The following EXTL2 variants were observed in gnomAD, a reference collection of about 807,000 sequenced individuals.
EXTL2 encodes the protein exostosin like glycosyltransferase 2.
A neutral mutation model predicts 30.7 loss-of-function variants in EXTL2; 23 were observed. That is an observed-to-expected ratio of 0.75 (90% CI 0.54 to 1.06). The LOEUF (loss-of-function observed/expected upper bound fraction) is 1.06, where lower values mean the gene tolerates loss of function less well. EXTL2 is among the 50% of genes least tolerant of loss of function. The pLI is 0.00. For missense variants in EXTL2, 352 were observed against 396.3 expected (o/e 0.89, Z 0.95); for synonymous variants, 123 against 133.8 (o/e 0.92, Z 0.56).
In EXTL2 at chr1:100,874,084, C is replaced by T. The variant is rs1422383449; in HGVS notation, c.851G>A (p.Trp284Ter). The change falls in exon 5 of 5, where the codon TGG (tryptophan) becomes TAG (stop). Residue 284 changes from tryptophan (W) to a stop codon, truncating the protein, a stop_gained. Transcript: ENST00000370114. LOFTEE classifies it high-confidence loss of function. ...KETNSGYSGM[W>*]HRAEHALQRS... ...CTGCAGAGCGTGCTCAGCTCGATGC[C>T]ACATTCCAGAATAGCCACTGTTGGT... is the stretch of plus-strand genomic sequence containing the variant. 4.3e-6 allele frequency: 7 copies of T among 1,613,090 alleles called. No individual in the cohort carries two copies. The highest frequency in any genetic ancestry group is 5.9e-6 in the Non-Finnish European group (7 of 1,179,526).
chr1:100,886,062 G>A (rs886322133), intron 2 of EXTL2: 4 of 152,222 alleles, frequency 2.6e-5, no homozygotes, highest in African/African-American at 9.7e-5. Context: ...ACAGTGATAT[G>A]AATGGATCAT....
In EXTL2 at chr1:100,874,103, T is replaced by C. The variant is rs746894725; in HGVS notation, c.832A>G (p.Ser278Gly). The C allele has an allele frequency of 6.2e-7, 1 of 1,613,082 alleles. No individual in the cohort carries two copies. The highest frequency in any genetic ancestry group is 1.1e-5 in the South Asian group (1 of 91,052). The change falls in exon 5 of 5, where the codon AGT becomes GGT. Residue 278 changes from serine to glycine, a missense_variant. Coordinates refer to ENST00000370114, the MANE Select transcript of EXTL2 (RefSeq NM_001033025.3). Reference sequence around the variant, plus strand: ...CGATGCCACATTCCAGAATAGCCACTGTTGGTTTCTTTTTCCAAATTGTCC... The same window carrying C: ...CGATGCCACATTCCAGAATAGCCACCGTTGGTTTCTTTTTCCAAATTGTCC... ...NMDNLEKETN[S>G]GYSGMWHRAE... is the part of the protein sequence containing the mutation.
At position 100,877,574 on chromosome 1, in the gene EXTL2, T is replaced by C; in HGVS notation, c.335A>G (p.Asn112Ser). ...AGGGATAGGGTGGGGCCCTAGAGAA[T>C]TCCATAATTCATCTGGTGCCTTCTC... ...IGEKAPDELW[N>S]SLGPHPIPVI... Residue 112 changes from asparagine (N) to serine (S), a missense_variant, in exon 3 of 5, where the codon AAT becomes AGT. Coordinates refer to ENST00000370114, the MANE Select transcript of EXTL2 (RefSeq NM_001033025.3). This position sits in a 1 kb window ranked among gnomAD's most constrained non-coding sequence, Gnocchi z 4.1. The C allele has an allele frequency of 6.2e-7, 1 of 1,613,444 alleles. No homozygotes were observed. The highest frequency in any genetic ancestry group is 8.5e-7 in the Non-Finnish European group (1 of 1,179,600).
chr1:100,894,518 C>A (rs1650717590), intron 1 of EXTL2, 115 bp downstream of exon 1: 1 of 152,032 alleles, frequency 6.6e-6, no homozygotes, highest in Admixed American at 6.6e-5. Flanking sequence ...AAAATAAAAC[C>A]ACCGAATACT....
intron 2 of EXTL2, among the ~76,000 whole-genome samples, chr1:100,887,987 C>T (rs1344379434): frequency 4.6e-5 from 7 of 152,208 alleles, no homozygotes; most frequent in South Asian, 2.1e-4. Context: ...CGTGAGCCAC[C>T]GCGCCCTGCC....
intron 1 of EXTL2, among the ~76,000 whole-genome samples, chr1:100,889,364 G>T (rs1650231527): frequency 1.3e-5 from 2 of 152,160 alleles, no homozygotes; most frequent in South Asian, 4.1e-4. Context: ...ACAACAAGTG[G>T]GGATTATGGG....
chr1:100,875,542 A>G (rs1649046549), intron 4 of EXTL2, among the ~76,000 whole-genome samples: 1 of 151,944 alleles, frequency 6.6e-6, no homozygotes, highest in Non-Finnish European at 1.5e-5. Flanking sequence ...CTAGAGAGGG[A>G]AAAGGGAAAA....
chr1:100,891,352 C>G (rs1446850007), intron 1 of EXTL2, among the ~76,000 whole-genome samples: 1 of 152,196 alleles, frequency 6.6e-6, no homozygotes, highest in South Asian at 2.1e-4. Context: ...CTACCTAGAC[C>G]GAACGAATTT....
rs776945302 is a variant in EXTL2, at chr1:100,874,177, G to A, written c.758C>T (p.Ala253Val). 2 of 1,612,906 alleles carry A rather than the reference G, an allele frequency of 1.2e-6. No individual in the cohort carries two copies. The highest frequency in any genetic ancestry group is 1.7e-5 in the Admixed American group (1 of 59,836). ...CDDIAMNFII[A>V]KHIGKTSGIF... is the part of the protein sequence containing the mutation. The stretch of plus-strand genomic sequence containing the variant: ...CCCTGAAGTCTTGCCAATATGCTTG[G>A]CAATGATAAAATTCATGGCAATATC... The change falls in exon 5 of 5, where the codon GCC (alanine) becomes GTC (valine). Residue 253 changes from alanine to valine, a missense_variant. Ala to Val is a moderately conservative substitution (Grantham distance 64, BLOSUM62 0). Coordinates refer to ENST00000370114, the MANE Select transcript of EXTL2 (RefSeq NM_001033025.3).
rs1557949755 is a variant in EXTL2 at position 100,874,411 on chromosome 1, A to G, written c.524T>C (p.Val175Ala). ...GACGTGCTTTCTAGGAACAAATCCT[A>G]CAATTTGATCAGGAAATTGCTGAAA... ...SVWQQFPDQI[V>A]GFVPRKHVST... The change falls in exon 5 of 5, where the codon GTA becomes GCA. Residue 175 changes from valine (V) to alanine (A), a missense_variant. Transcript: ENST00000370114. 1 of 1,588,834 alleles carries G rather than the reference A, an allele frequency of 6.3e-7. No individual in the cohort carries two copies. Among genetic ancestry groups the G allele is most frequent in the East Asian group, 2.2e-5 (1 of 44,514 alleles).
chr1:100,888,818 C>A lies in EXTL2; in HGVS notation c.-61G>T. Reference sequence around the variant, plus strand: ...AGCTTCAGTAATTGACAGAAGCAGGCTCACTTGTCACTATTAAGATAAATC... The same window carrying A: ...AGCTTCAGTAATTGACAGAAGCAGGATCACTTGTCACTATTAAGATAAATC... On this transcript the variant is annotated 5_prime_UTR_variant, in exon 2 of 5. Coordinates refer to ENST00000370114, the MANE Select transcript of EXTL2 (RefSeq NM_001033025.3). 1.5e-6 allele frequency: 2 copies of A among 1,357,136 alleles called. No homozygotes were observed. Among genetic ancestry groups the A allele is most frequent in the South Asian group, 1.4e-5 (1 of 70,816 alleles). The allele number at this position is 1,357,136 out of a possible 1,614,324, so 84.1% of individuals were successfully genotyped here.
intron 2 of EXTL2, among the ~76,000 whole-genome samples, chr1:100,879,789 A>G (rs1649421952): frequency 6.6e-6 from 1 of 152,158 alleles, no homozygotes; most frequent in Non-Finnish European, 1.5e-5. Context: ...CTTCTTGGAA[A>G]AGTGAACTGT....
intron 1 of EXTL2, among the ~76,000 whole-genome samples, chr1:100,892,774 G>A (rs1316697959): frequency 6.6e-6 from 1 of 152,184 alleles, no homozygotes; most frequent in Non-Finnish European, 1.5e-5. Flanking sequence ...ATTTGCACTT[G>A]TATCCAGTTT....
Position 100,876,728 on chromosome 1 carries a change from T to G in EXTL2, c.504+66A>C, listed in dbSNP as rs561824371. On this transcript the variant is annotated intron_variant, in intron 4 of 4. Transcript: ENST00000370114. ...TTAGGTAACTTCTATATTAACCATGTTGCCGTGGTTAAGTACTAGTCAAGA... is the reference window on the plus strand; with the variant it reads ...TTAGGTAACTTCTATATTAACCATGGTGCCGTGGTTAAGTACTAGTCAAGA... 61 of 1,032,850 alleles carry G rather than the reference T, an allele frequency of 5.9e-5. 1 individual carries two copies. In the South Asian group the frequency reaches 7.5e-4, roughly 13 times the overall value. 64.0% of individuals were successfully genotyped at this position (1,032,850 alleles called of 1,614,324 possible). A position where few individuals can be genotyped will look rare whatever the true frequency, so the allele number is the denominator to read the frequency against.
intron 2 of EXTL2, among the ~76,000 whole-genome samples, chr1:100,880,245 G>T (rs1649451046): frequency 6.6e-6 from 1 of 152,140 alleles, no homozygotes; most frequent in Non-Finnish European, 1.5e-5. Flanking sequence ...GCATGTGCAA[G>T]CAAAGGAAGA....
intron 1 of EXTL2, among the ~76,000 whole-genome samples, chr1:100,893,481 TA>T (rs1327601999): frequency 6.6e-6 from 1 of 152,146 alleles, no homozygotes; most frequent in Non-Finnish European, 1.5e-5. Context: ...TCTTCATAAC[TA>T]CTCTTTTCCA....
At chr1:100,882,396 C>T (rs1390307752) in intron 2 of EXTL2, among the ~76,000 whole-genome samples, 1 of 152,226 alleles carries the variant, frequency 6.6e-6, no homozygotes, top group Non-Finnish European at 1.5e-5. Context: ...TTGAGAAACC[C>T]TGATCTACAT....
At chr1:100,882,322 C>T (rs912431781) in intron 2 of EXTL2, among the ~76,000 whole-genome samples, 2 of 152,198 alleles carry the variant, frequency 1.3e-5, no homozygotes, top group African/African-American at 4.8e-5. Flanking sequence ...AAATATCCTG[C>T]GATGCACAGG....
At chr1:100,874,664 C>A (rs1648963630) in intron 4 of EXTL2, among the ~76,000 whole-genome samples, 1 of 152,000 alleles carries the variant, frequency 6.6e-6, no homozygotes, top group African/African-American at 2.4e-5. Flanking sequence ...AATATTCTAC[C>A]CTTACAAATG....
Sources: gnomAD v4.1 joint callset for allele counts (sites outside exome capture counted in the v4.1 genomes callset) on GRCh38, gnomAD v4.1.1 for gene constraint, Gnocchi (gnomAD v3.1) non-coding constraint, MANE v1.5 for transcripts, NCBI Gene and HGNC (gene_info 2026-07-23, HGNC 2026-07-21) for gene names.